THBS4: variants seen among roughly 807,000 people sequenced by gnomAD.
THBS4 encodes thrombospondin-4.
Under a neutral mutation model 115.7 loss-of-function variants are expected in THBS4, and 90 were observed. The observed-to-expected ratio is 0.78, with a 90% CI of 0.66 to 0.93. The LOEUF (loss-of-function observed/expected upper bound fraction) is 0.93, where lower values mean the gene tolerates loss of function less well. Among genes scored for constraint, THBS4 ranks in the 40% least tolerant of loss-of-function variants. THBS4 has a pLI of 0.00. For missense variants in THBS4, 1,087 were observed against 1,232.7 expected (o/e 0.88, Z 1.77); for synonymous variants, 460 against 479.3 (o/e 0.96, Z 0.53).
At chr5:79,994,814 A>G (rs1473732088) in intron 1 of THBS4, among the ~76,000 whole-genome samples, 1 of 152,232 alleles carries the variant, frequency 6.6e-6, no homozygotes, top group African/African-American at 2.4e-5. Flanking sequence ...AACAAGGCCC[A>G]CATATTTGAA....
intron 2 of THBS4, among the ~76,000 whole-genome samples, chr5:80,000,381 TA>T (rs1348531402): frequency 6.6e-6 from 1 of 152,192 alleles, no homozygotes; most frequent in Non-Finnish European, 1.5e-5. Flanking sequence ...TACCCCTCCT[TA>T]TGGTAGTTTC....
chr5:80,074,541 G>A (rs1258261923), intron 15 of THBS4: 1 of 152,086 alleles, frequency 6.6e-6, no homozygotes, highest in East Asian at 1.9e-4. Flanking sequence ...CCTGATACCT[G>A]GATCAGAGGT....
intron 2 of THBS4, among the ~76,000 whole-genome samples, chr5:80,046,276 A>T (rs1833062663): frequency 6.6e-6 from 1 of 152,252 alleles, no homozygotes; most frequent in African/African-American, 2.4e-5. Flanking sequence ...GATAGCAGAA[A>T]AACGCCCACT....
chr5:80,058,415 C>T, intron 4 of THBS4, 101 bp downstream of exon 4: 8 of 815,264 alleles, frequency 9.8e-6, no homozygotes, highest in Non-Finnish European at 1.6e-5. Flanking sequence ...GTCAACAGAG[C>T]AGCCCAACAA....
chr5:80,025,640 G>C (rs1173425161), intron 2 of THBS4, among the ~76,000 whole-genome samples: 5 of 152,158 alleles, frequency 3.3e-5, no homozygotes, highest in Non-Finnish European at 7.4e-5. Context: ...GCTCACTCAG[G>C]AGGAGCTCTT....
intron 5 of THBS4, among the ~76,000 whole-genome samples, 169 bp from the exon 6 acceptor site, chr5:80,059,271 A>G (rs1833540338): frequency 6.7e-6 from 1 of 149,344 alleles, no homozygotes; most frequent in African/African-American, 2.5e-5. Flanking sequence ...CGGAGGTTGT[A>G]GTGAGCTGAG....
chr5:80,042,636 A>C (rs1269264517), intron 2 of THBS4, among the ~76,000 whole-genome samples: 1 of 152,202 alleles, frequency 6.6e-6, no homozygotes, highest in East Asian at 1.9e-4. Flanking sequence ...GATCGTTAGT[A>C]TGTTTCCTCT....
At chr5:80,039,149 T>C (rs11738491) in intron 1 of THBS4, among the ~76,000 whole-genome samples, 44,635 of 152,150 alleles carry the variant, frequency 0.29, 6,724 homozygotes, top group Middle Eastern at 0.38. Flanking sequence ...ATATTACCCA[T>C]TTAATAACCA....
At chr5:80,040,621 C>T (rs1443000529) in intron 2 of THBS4, among the ~76,000 whole-genome samples, 1 of 152,202 alleles carries the variant, frequency 6.6e-6, no homozygotes, top group African/African-American at 2.4e-5. Flanking sequence ...GCTGCTATAA[C>T]AAAATACCAT....
In THBS4 at chr5:80,035,600, G is replaced by A. The variant is rs1832691501; in HGVS notation, c.63G>A (p.Ala21=). 5 of 1,418,430 alleles carry A rather than the reference G, an allele frequency of 3.5e-6. No individual in the cohort carries two copies. The highest frequency in any genetic ancestry group is 1.5e-5 in the South Asian group (1 of 67,140). 87.9% of individuals were successfully genotyped at this position (1,418,430 alleles called of 1,614,324 possible). A position where few individuals can be genotyped will look rare whatever the true frequency, so the allele number is the denominator to read the frequency against. The change falls in exon 1 of 22, where the codon GCG becomes GCA. Residue 21 remains alanine, a synonymous_variant. Coordinates refer to ENST00000350881, the MANE Select transcript of THBS4 (RefSeq NM_003248.6). This position sits in a 1 kb window ranked among gnomAD's most constrained non-coding sequence, Gnocchi z 4.6. Reference sequence around the variant, plus strand: ...ACCTGGTCCTGCAGCGGTGGCTAGCGGCAGGCGCCCAGGCCACCCCCCAGG... The same window carrying A: ...ACCTGGTCCTGCAGCGGTGGCTAGCAGCAGGCGCCCAGGCCACCCCCCAGG... ...LLHLVLQRWL[A]AGAQATPQVF...
At chr5:80,058,078 A>T in intron 3 of THBS4, 128 bp from the exon 4 acceptor site, 1 of 671,498 alleles carries the variant, frequency 1.5e-6, no homozygotes, top group South Asian at 2.0e-5. Context: ...TGATCCTACA[A>T]AATTATGTAA....
intron 2 of THBS4, among the ~76,000 whole-genome samples, chr5:80,000,645 G>T (rs143864234): frequency 3.3e-5 from 5 of 152,242 alleles, no homozygotes; most frequent in African/African-American, 1.2e-4. Flanking sequence ...TTGTTGGTAT[G>T]GATAATTAAG....
Position 80,058,211 on chromosome 5 carries a change from C to A in THBS4, c.546C>A (p.Phe182Leu). The A allele has an allele frequency of 6.4e-7, 1 of 1,570,986 alleles. No homozygotes were observed. The highest frequency in any genetic ancestry group is 8.6e-7 in the Non-Finnish European group (1 of 1,156,420). ...LRTFQRKPQD[F>L]LEELKLVVRG... ...ATGAATGTGATTTCTTCCAGGACTT[C>A]TTGGAAGAGCTGAAGCTGGTGGTGA... is the stretch of plus-strand genomic sequence containing the variant. The change falls in exon 4 of 22, where the codon TTC becomes TTA. Residue 182 changes from phenylalanine to leucine, a missense_variant. Phe to Leu is a conservative substitution (Grantham distance 22). Around this residue, in one of 3 missense-constraint regions of THBS4, gnomAD observed 979 missense variants for 1,103.7 expected, o/e 0.89. Coordinates refer to ENST00000350881, the MANE Select transcript of THBS4 (RefSeq NM_003248.6).
In THBS4 at chr5:80,058,277, C is replaced by G; in HGVS notation, c.612C>G (p.Phe204Leu). The stretch of plus-strand genomic sequence containing the variant: ...AGGTGGCCAGCCTGCAAGACTGCTT[C>G]CTGCAGCAGAGTGAGCCACTGGCTG... The part of the protein sequence containing the change: ...LFQVASLQDC[F>L]LQQSEPLAAT... The change falls in exon 4 of 22, where the codon TTC (phenylalanine) becomes TTG (leucine). Residue 204 changes from phenylalanine (F) to leucine (L), a missense_variant. By Grantham distance (22) the Phe-to-Leu change is conservative (BLOSUM62 0). Around this residue, in one of 3 missense-constraint regions of THBS4, gnomAD observed 979 missense variants for 1,103.7 expected, o/e 0.89. Coordinates refer to ENST00000350881, the MANE Select transcript of THBS4 (RefSeq NM_003248.6). 1 of 1,573,040 alleles carries G rather than the reference C, an allele frequency of 6.4e-7. No individual in the cohort carries two copies. The highest frequency in any genetic ancestry group is 2.3e-5 in the East Asian group (1 of 43,006).
chr5:80,077,998 G>A (rs373982530), intron 16 of THBS4, 51 bp from the exon 17 acceptor site: 3 of 1,438,812 alleles, frequency 2.1e-6, no homozygotes, highest in African/African-American at 1.4e-5. Context: ...CCAAGGAGTG[G>A]CGGTGGGTGT....
At chr5:80,011,915 G>A (rs959912339) in intron 2 of THBS4, among the ~76,000 whole-genome samples, 2 of 151,936 alleles carry the variant, frequency 1.3e-5, no homozygotes, top group Non-Finnish European at 2.9e-5. Flanking sequence ...AACCCAAACA[G>A]TAATTGTATT....
intron 8 of THBS4, among the ~76,000 whole-genome samples, chr5:80,064,713 CAG>C (rs1442576368): frequency 3.9e-5 from 6 of 152,098 alleles, no homozygotes; most frequent in African/African-American, 1.4e-4. Flanking sequence ...GCCTGAGCGA[CAG>C]AGCAAGACCC....
In THBS4 at chr5:80,071,139, A is replaced by T. The variant is rs756752792; in HGVS notation, c.1679A>T (p.Asp560Val). The change falls in exon 13 of 22, where the codon GAT (aspartate) becomes GTT (valine). Residue 560 changes from aspartate to valine, a missense_variant. Asp to Val is a radical substitution (Grantham distance 152). Around this residue, in one of 3 missense-constraint regions of THBS4, gnomAD observed 979 missense variants for 1,103.7 expected, o/e 0.89. Coordinates refer to ENST00000350881, the MANE Select transcript of THBS4 (RefSeq NM_003248.6). ...AACGACCAGAAAGACACCGATGGGG[A>T]TGGAAGAGGAGATGCCTGTGATGAT... ...LNNDQKDTDG[D>V]GRGDACDDDM... The T allele has an allele frequency of 5.6e-6, 9 of 1,603,014 alleles. No homozygotes were observed. Among genetic ancestry groups the T allele is most frequent in the Non-Finnish European group, 5.9e-6 (7 of 1,177,192 alleles).
In THBS4 at chr5:80,083,104, A is replaced by G. The variant is rs1489238815; in HGVS notation, c.2849A>G (p.Glu950Gly). The change falls in exon 22 of 22, where the codon GAG (glutamate) becomes GGG (glycine). Residue 950 changes from glutamate to glycine, a missense_variant. By Grantham distance (98) the Glu-to-Gly change is moderately conservative (BLOSUM62 -2). This residue lies in a region of THBS4 where 103 missense variants were observed against 108.2 expected (regional missense o/e 0.95). Transcript: ENST00000350881. ...CNDTIPEDFQ[E>G]FQTQNFDRFD... Reference sequence around the variant, plus strand: ...GACACCATCCCTGAGGACTTCCAAGAGTTTCAAACCCAGAATTTCGACCGC... The same window carrying G: ...GACACCATCCCTGAGGACTTCCAAGGGTTTCAAACCCAGAATTTCGACCGC... 1 of 1,614,140 alleles carries G rather than the reference A, an allele frequency of 6.2e-7. No individual in the cohort carries two copies. The highest frequency in any genetic ancestry group is 1.6e-4 in the Middle Eastern group (1 of 6,062).
Sources: allele counts gnomAD v4.1 joint callset (sites outside exome capture counted in the v4.1 genomes callset), GRCh38; gene constraint gnomAD v4.1.1; regional missense constraint gnomAD v4.1.1; non-coding constraint Gnocchi (gnomAD v3.1); transcripts MANE v1.5; gene names NCBI Gene and HGNC (gene_info 2026-07-23, HGNC 2026-07-21).